Variants in APIP observed in about 807,000 individuals in gnomAD.
The protein encoded by APIP is APAF1 interacting protein, also known as methylthioribulose-1-phosphate dehydratase.
A neutral mutation model predicts 32.0 loss-of-function variants in APIP; 32 were observed. That is an observed-to-expected ratio of 1.00 (90% CI 0.76 to 1.34). APIP has a LOEUF of 1.34. Ranked by LOEUF, APIP falls within the 40% of genes most tolerant of loss-of-function variation. The probability of loss-of-function intolerance (pLI) is 0.00; values close to 1 mark genes in which losing one functional copy is unlikely to be tolerated. For synonymous variants in APIP, 92 were observed against 94.8 expected, an observed-to-expected ratio of 0.97 and a Z score of 0.17; for missense variants, 247 against 298.6, an observed-to-expected ratio of 0.83 and a Z score of 1.27.
rs1193207368 is a variant in APIP at position 34,886,224 on chromosome 11, G to A, written c.461+2069C>T. Among the ~76,000 whole-genome samples, 11 of 152,082 alleles carry A rather than the reference G, an allele frequency of 7.2e-5. No homozygotes were observed. In the East Asian group the frequency reaches 2.1e-3, roughly 29 times the overall value. On this transcript the variant is annotated intron_variant, in intron 5 of 6. Coordinates refer to ENST00000395787, the MANE Select transcript of APIP (RefSeq NM_015957.4). ...CCTGAAGACCTTCCACTGAGACAAG[G>A]TGTGGAGGTGGAAGGCAGTGATATT...
intron 1 of APIP, among the ~76,000 whole-genome samples, chr11:34,905,809 A>G (rs1015877263): frequency 9.9e-5 from 15 of 152,144 alleles, no homozygotes; most frequent in Non-Finnish European, 2.9e-5. Context: ...GCCTTTCCAA[A>G]CATGCCCCCT....
intron 5 of APIP, among the ~76,000 whole-genome samples, chr11:34,885,191 T>C (rs1998602): frequency 0.6 from 88,637 of 147,596 alleles, 27,647 homozygotes; most frequent in East Asian, 0.74. Context: ...TGTATATATA[T>C]ACCTATATAA....
intron 2 of APIP, among the ~76,000 whole-genome samples, chr11:34,893,662 G>A (rs771055811): frequency 2.0e-5 from 3 of 152,212 alleles, no homozygotes; most frequent in Non-Finnish European, 4.4e-5. Flanking sequence ...TTACTAGACT[G>A]AGAGCATACT....
chr11:34,889,860 C>T (rs1198932995), intron 3 of APIP, among the ~76,000 whole-genome samples: 2 of 152,002 alleles, frequency 1.3e-5, no homozygotes, highest in East Asian at 1.9e-4. Context: ...ATATATGTAC[C>T]ACATTTTCTT....
intron 5 of APIP, among the ~76,000 whole-genome samples, chr11:34,887,533 T>G (rs1336149050): frequency 1.3e-5 from 2 of 152,212 alleles, no homozygotes; most frequent in African/African-American, 4.8e-5. Flanking sequence ...TTCCATTACA[T>G]GCAGTAAGAA....
intron 5 of APIP, among the ~76,000 whole-genome samples, chr11:34,885,518 C>T (rs753988821): frequency 2.0e-5 from 3 of 151,926 alleles, no homozygotes; most frequent in Non-Finnish European, 2.9e-5. Context: ...ACAAGGGCCC[C>T]GAGCTGTACA....
At chr11:34,911,289 G>GA (rs1853546686) in intron 1 of APIP, among the ~76,000 whole-genome samples, 1 of 151,998 alleles carries the variant, frequency 6.6e-6, no homozygotes, top group Non-Finnish European at 1.5e-5. Flanking sequence ...AAATATCAAA[G>GA]AAAAAATATT....
chr11:34,898,672 C>T (rs2133914451), intron 1 of APIP, among the ~76,000 whole-genome samples: 1 of 152,114 alleles, frequency 6.6e-6, no homozygotes, highest in Non-Finnish European at 1.5e-5. Flanking sequence ...TCCCCCTCCT[C>T]CCCGCTCCCA....
intron 1 of APIP, among the ~76,000 whole-genome samples, chr11:34,898,554 T>C (rs1185648757): frequency 6.6e-6 from 1 of 152,114 alleles, no homozygotes; most frequent in Non-Finnish European, 1.5e-5. Context: ...ACTCTCCTTC[T>C]TTTTCTATCC....
chr11:34,910,112 G>A (rs907512450), intron 1 of APIP, among the ~76,000 whole-genome samples: 6 of 152,180 alleles, frequency 3.9e-5, no homozygotes, highest in African/African-American at 1.4e-4. Context: ...ACGATTTGAG[G>A]TTGAAATCAT....
intron 1 of APIP, among the ~76,000 whole-genome samples, chr11:34,897,659 A>C (rs1853300315): frequency 6.6e-6 from 1 of 152,076 alleles, no homozygotes; most frequent in Non-Finnish European, 1.5e-5. Context: ...TTTGATGTGC[A>C]AATGCCAGCC....
At chr11:34,906,942 A>G (rs1048100785) in intron 1 of APIP, among the ~76,000 whole-genome samples, 6 of 152,322 alleles carry the variant, frequency 3.9e-5, no homozygotes, top group African/African-American at 1.4e-4. Context: ...TCTTGCCTAG[A>G]AGCAATCAAT....
At chr11:34,913,874 C>A (rs7105141) in intron 1 of APIP, among the ~76,000 whole-genome samples, 28,741 of 152,056 alleles carry the variant, frequency 0.19, 3,877 homozygotes, top group African/African-American at 0.39. Flanking sequence ...AAGTCCCCAT[C>A]CGACCCAGAA....
intron 3 of APIP, among the ~76,000 whole-genome samples, chr11:34,889,534 A>G (rs1367586987): frequency 1.3e-5 from 2 of 151,826 alleles, no homozygotes; most frequent in African/African-American, 2.4e-5. Context: ...TTTGTTACAT[A>G]GGTAAATTGC....
intron 1 of APIP, among the ~76,000 whole-genome samples, chr11:34,915,663 TC>T: frequency 6.6e-6 from 1 of 152,326 alleles, no homozygotes; most frequent in South Asian, 2.1e-4. Context: ...AGGGTGGATT[TC>T]CCTTTGACTT....
At position 34,898,788 on chromosome 11, in the gene APIP, T is replaced by G. The variant is rs1169795569; in HGVS notation, c.58-3678A>C. ...AGCACATAGTATTTCTTTCTTTGGT[T>G]TTTTTTTTTTTTTTTTTTTTTTTTT... On this transcript the variant is annotated intron_variant, in intron 1 of 6. Transcript: ENST00000395787. Among the ~76,000 whole-genome samples, 19 of 9,462 alleles carry G rather than the reference T, an allele frequency of 2.0e-3. 1 individual carries two copies. In the East Asian group the frequency reaches 0.02, roughly 10 times the overall value. 6.2% of individuals were successfully genotyped at this position (9,462 alleles called of 152,430 possible).
intron 5 of APIP, among the ~76,000 whole-genome samples, chr11:34,887,757 T>C (rs1853103305): frequency 6.6e-6 from 1 of 152,174 alleles, no homozygotes; most frequent in African/African-American, 2.4e-5. Flanking sequence ...ACTACACTTT[T>C]GTGGACTGAT....
intron 1 of APIP, among the ~76,000 whole-genome samples, chr11:34,897,814 A>G (rs886868136): frequency 6.6e-6 from 1 of 152,012 alleles, no homozygotes; most frequent in East Asian, 1.9e-4. Context: ...CTAGGGTGGG[A>G]AGGCTAGTTT....
intron 1 of APIP, among the ~76,000 whole-genome samples, chr11:34,914,841 T>C: frequency 6.6e-6 from 1 of 151,764 alleles, no homozygotes; most frequent in East Asian, 1.9e-4. Context: ...CAGTCTCTAC[T>C]AAAAATACAA....
Sources: allele counts gnomAD v4.1 joint callset (sites outside exome capture counted in the v4.1 genomes callset), GRCh38; gene constraint gnomAD v4.1.1; transcripts MANE v1.5; gene names NCBI Gene and HGNC (gene_info 2026-07-23, HGNC 2026-07-21).